The following ADAMTSL3 variants were observed in gnomAD, a reference collection of about 807,000 sequenced individuals.
ADAMTSL3 encodes ADAMTS like 3.
Under a neutral mutation model 201.7 loss-of-function variants are expected in ADAMTSL3, and 128 were observed. The ratio of observed to expected loss-of-function variants is 0.63; its 90% CI spans 0.55 to 0.73. ADAMTSL3 has a LOEUF of 0.73. ADAMTSL3 is among the 30% of genes least tolerant of loss of function. The probability of loss-of-function intolerance (pLI) is 0.00; values close to 1 mark genes in which losing one functional copy is unlikely to be tolerated. For synonymous variants in ADAMTSL3, 738 were observed against 748.4 expected, an observed-to-expected ratio of 0.99 and a Z score of 0.23; for missense variants, 1,990 against 2,119.6, an observed-to-expected ratio of 0.94 and a Z score of 1.20.
At chr15:83,759,428 T>C (rs1258694289) in intron 3 of ADAMTSL3, among the ~76,000 whole-genome samples, 1 of 152,198 alleles carries the variant, frequency 6.6e-6, no homozygotes, top group Non-Finnish European at 1.5e-5. Context: ...GGTTTCACCA[T>C]GTTAGCCGGG....
At chr15:83,997,296 G>T (rs990087111) in intron 23 of ADAMTSL3, among the ~76,000 whole-genome samples, 1 of 152,080 alleles carries the variant, frequency 6.6e-6, no homozygotes, top group Admixed American at 6.6e-5. Flanking sequence ...GCTTAAAAAA[G>T]GTCTGAAGCG....
chr15:83,883,617 G>T (rs1037125316), intron 9 of ADAMTSL3, among the ~76,000 whole-genome samples: 1 of 150,284 alleles, frequency 6.7e-6, no homozygotes, highest in South Asian at 2.1e-4. Context: ...GTGCAGTGGC[G>T]TGATCATGGC....
chr15:84,025,471 A>G (rs200548817), intron 27 of ADAMTSL3, 35 bp downstream of exon 27: 544 of 1,582,382 alleles, frequency 3.4e-4, no homozygotes, highest in Non-Finnish European at 4.3e-4. Flanking sequence ...GGACAGCACT[A>G]TCTGTCCACA....
intron 5 of ADAMTSL3, 137 bp downstream of exon 5, chr15:83,804,832 C>A: frequency 1.8e-6 from 1 of 567,350 alleles, no homozygotes; most frequent in Non-Finnish European, 2.9e-6. Flanking sequence ...TAATTGACAA[C>A]AGATTTTGTA....
At chr15:83,975,709 G>A (rs916532030) in intron 20 of ADAMTSL3, among the ~76,000 whole-genome samples, 1 of 152,184 alleles carries the variant, frequency 6.6e-6, no homozygotes, top group South Asian at 2.1e-4. Flanking sequence ...ACAGAAGAAT[G>A]TGAGGAAGGA....
rs1268961476 is a variant in ADAMTSL3 at position 83,793,324 on chromosome 15, TGTTAAG to T, written c.318-11325_318-11320del. Among the ~76,000 whole-genome samples the T allele has an allele frequency of 2.0e-5, 3 of 152,180 alleles. No homozygotes were observed. The East Asian group carries it at 5.8e-4, about 29-fold the overall frequency. On this transcript the variant is annotated intron_variant, in intron 4 of 29. Coordinates refer to ENST00000286744, the MANE Select transcript of ADAMTSL3 (RefSeq NM_207517.3). The stretch of plus-strand genomic sequence containing the variant: ...ATTATTGAAAATTGCTGAGACCGGA[TGTTAAG>T]TATTATCACCACAAAAATAACTGTG...
At chr15:83,990,504 C>T (rs947147332) in intron 22 of ADAMTSL3, among the ~76,000 whole-genome samples, 2 of 152,152 alleles carry the variant, frequency 1.3e-5, no homozygotes, top group Non-Finnish European at 2.9e-5. Context: ...AGAGTGGACA[C>T]TTGGTAAATG....
intron 6 of ADAMTSL3, among the ~76,000 whole-genome samples, chr15:83,829,477 G>A (rs935583113): frequency 4.6e-5 from 7 of 152,008 alleles, no homozygotes; most frequent in African/African-American, 1.4e-4. Flanking sequence ...CAAAAAACCA[G>A]CTCCTGGATT....
At position 83,804,645 on chromosome 15, in the gene ADAMTSL3, T is replaced by C; in HGVS notation, c.318-5T>C. ...TTCTTCTTTCTTCTTTCTTTTTTCC[T>C]TTAGGAATTGTGAAGGGCAGAACAT... On this transcript the variant is annotated splice_region_variant and splice_polypyrimidine_tract_variant and intron_variant, in intron 4 of 29. Transcript: ENST00000286744. The C allele has an allele frequency of 7.1e-6, 11 of 1,557,960 alleles. No homozygotes were observed. The highest frequency in any genetic ancestry group is 9.6e-6 in the Non-Finnish European group (11 of 1,146,734).
chr15:83,833,805 C>T (rs1367709932), intron 6 of ADAMTSL3, among the ~76,000 whole-genome samples: 1 of 152,162 alleles, frequency 6.6e-6, no homozygotes, highest in East Asian at 1.9e-4. Flanking sequence ...GTCACATTGG[C>T]TGGTGACTGT....
At chr15:83,717,931 G>A (rs2062042284) in intron 3 of ADAMTSL3, among the ~76,000 whole-genome samples, 1 of 152,106 alleles carries the variant, frequency 6.6e-6, no homozygotes, top group Admixed American at 6.6e-5. Context: ...CAAAGCAAAT[G>A]AACAATACAA....
intron 4 of ADAMTSL3, among the ~76,000 whole-genome samples, chr15:83,796,160 C>T (rs935971186): frequency 2.0e-5 from 3 of 152,070 alleles, no homozygotes; most frequent in Non-Finnish European, 4.4e-5. Context: ...TGCCCACTGT[C>T]ATTGCTTGTA....
chr15:83,699,215 C>G (rs867582103), intron 2 of ADAMTSL3, among the ~76,000 whole-genome samples: 2 of 152,088 alleles, frequency 1.3e-5, no homozygotes, highest in Non-Finnish European at 2.9e-5. Flanking sequence ...TATTGAATGG[C>G]AAACTCAAGC....
At chr15:83,976,571 A>G (rs1256625595) in intron 20 of ADAMTSL3, among the ~76,000 whole-genome samples, 1 of 151,754 alleles carries the variant, frequency 6.6e-6, no homozygotes, top group African/African-American at 2.4e-5. Flanking sequence ...CTGCAACTAG[A>G]TGGTCCCATC....
chr15:83,827,148 T>C (rs1596281792), intron 6 of ADAMTSL3, among the ~76,000 whole-genome samples: 1 of 152,320 alleles, frequency 6.6e-6, no homozygotes, highest in East Asian at 1.9e-4. Context: ...GTGTTCCTAT[T>C]TCTCCACATC....
rs574959863 is a variant in ADAMTSL3 at position 83,882,882 on chromosome 15, G to A, written c.961-2219G>A. 1.1e-4 allele frequency among the ~76,000 whole-genome samples: 17 copies of A among 151,956 alleles called. 1 individual carries two copies. The South Asian group carries it at 2.1e-3, about 19-fold the overall frequency. The stretch of plus-strand genomic sequence containing the variant: ...TGCTTTTTGTTTTATTTTTTAAAAT[G>A]TCTAGAACTCAATGAGCATTTTGAA... On this transcript the variant is annotated intron_variant, in intron 9 of 29. Transcript: ENST00000286744.
chr15:83,976,326 C>G (rs2067287666), intron 20 of ADAMTSL3, among the ~76,000 whole-genome samples: 1 of 152,048 alleles, frequency 6.6e-6, no homozygotes, highest in Admixed American at 6.6e-5. Context: ...GGCCAGCACA[C>G]CACTGGACAG....
intron 17 of ADAMTSL3, among the ~76,000 whole-genome samples, chr15:83,937,101 G>A (rs1405142511): frequency 6.6e-6 from 1 of 150,738 alleles, no homozygotes; most frequent in Non-Finnish European, 1.5e-5. Flanking sequence ...AAAGCAGTGT[G>A]GCAATTTCTC....
intron 19 of ADAMTSL3, among the ~76,000 whole-genome samples, chr15:83,968,608 T>G (rs2067133094): frequency 1.3e-5 from 2 of 152,212 alleles, no homozygotes; most frequent in South Asian, 4.1e-4. Context: ...GTGTGGCAAT[T>G]CCTCAAGGAT....
Sources: allele counts gnomAD v4.1 joint callset (sites outside exome capture counted in the v4.1 genomes callset), GRCh38; gene constraint gnomAD v4.1.1; transcripts MANE v1.5; gene names NCBI Gene and HGNC (gene_info 2026-07-23, HGNC 2026-07-21).